Variants in TMEM200A observed in about 807,000 individuals in gnomAD.
TMEM200A encodes the protein two transmembrane C.
A neutral mutation model predicts 24.3 loss-of-function variants in TMEM200A; 12 were observed. The ratio of observed to expected loss-of-function variants is 0.49; its 90% confidence interval spans 0.32 to 0.80. The LOEUF (loss-of-function observed/expected upper bound fraction) is 0.80. Among genes scored for constraint, TMEM200A ranks in the 30% least tolerant of loss-of-function variants. TMEM200A has a pLI of 0.04. For synonymous variants in TMEM200A, 224 were observed against 224.4 expected (o/e 1.00, Z 0.02); for missense variants, 545 against 614.4 (o/e 0.89, Z 1.19).
rs1014819201 is a variant in TMEM200A at position 130,402,973 on chromosome 6, G to A, written c.-17+17737G>A. 2.0e-5 allele frequency among the ~76,000 whole-genome samples: 3 copies of A among 151,906 alleles called. No homozygotes were observed. In the East Asian group the frequency reaches 5.8e-4, roughly 29 times the overall value. On this transcript the variant is annotated intron_variant, in intron 2 of 2. Transcript: ENST00000296978. ...TTATGCCCCCATATCACTTTTAACT[G>A]CAATTTCTGCATCTTGCCTCCAGTT...
At chr6:130,384,730 G>C (rs1375448654) in intron 1 of TMEM200A, among the ~76,000 whole-genome samples, 2 of 152,166 alleles carry the variant, frequency 1.3e-5, no homozygotes, top group African/African-American at 2.4e-5. Flanking sequence ...TGTATCATTA[G>C]ATATTTTGTA....
rs377211608 is a variant in TMEM200A at position 130,389,577 on chromosome 6, C to A, written c.-17+4341C>A. 2.6e-3 allele frequency among the ~76,000 whole-genome samples: 401 copies of A among 151,960 alleles called. 2 individuals are homozygous for A. Among genetic ancestry groups the A allele is most frequent in the Middle Eastern group, 0.01 (3 of 294 alleles). On this transcript the variant is annotated intron_variant, in intron 2 of 2. Coordinates refer to ENST00000296978, the MANE Select transcript of TMEM200A (RefSeq NM_001258277.2). ...TTGAGAAATTCTAACAATAATATAGCTTGTTAGAATTAATGAGAAATCATT... is the reference window on the plus strand; with the variant it reads ...TTGAGAAATTCTAACAATAATATAGATTGTTAGAATTAATGAGAAATCATT...
At chr6:130,369,949 T>A (rs2115063494) in intron 1 of TMEM200A, among the ~76,000 whole-genome samples, 1 of 152,312 alleles carries the variant, frequency 6.6e-6, no homozygotes, top group South Asian at 2.1e-4. Context: ...AGAAGGGAGT[T>A]ACTCAGGATT....
At chr6:130,411,807 C>A (rs944010523) in intron 2 of TMEM200A, among the ~76,000 whole-genome samples, 2 of 152,174 alleles carry the variant, frequency 1.3e-5, no homozygotes, top group African/African-American at 4.8e-5. Context: ...ATGATGTTCA[C>A]TTTGGTCACT....
At chr6:130,429,874 G>A (rs1028056005) in intron 2 of TMEM200A, among the ~76,000 whole-genome samples, 2 of 151,802 alleles carry the variant, frequency 1.3e-5, no homozygotes, top group African/African-American at 2.4e-5. Context: ...TCCTCAATAC[G>A]TAAAAAAAAC....
intron 2 of TMEM200A, among the ~76,000 whole-genome samples, chr6:130,395,679 A>G (rs909243211): frequency 6.6e-6 from 1 of 152,266 alleles, no homozygotes; most frequent in African/African-American, 2.4e-5. Context: ...TTTAGATCAC[A>G]GGTCAGATGG....
chr6:130,418,244 C>G (rs1401381442), intron 2 of TMEM200A, among the ~76,000 whole-genome samples: 5 of 152,134 alleles, frequency 3.3e-5, no homozygotes, highest in African/African-American at 1.2e-4. Flanking sequence ...CAAAACACAC[C>G]AAAACAACTC....
chr6:130,402,329 A>G (rs1306703728), intron 2 of TMEM200A, among the ~76,000 whole-genome samples: 1 of 152,076 alleles, frequency 6.6e-6, no homozygotes, highest in Non-Finnish European at 1.5e-5. Flanking sequence ...AACGCTGTTC[A>G]TGGAAAATGG....
At position 130,366,961 on chromosome 6, in the gene TMEM200A, A is replaced by G. The variant is rs1449273797; in HGVS notation, c.-81+437A>G. On this transcript the variant is annotated intron_variant, in intron 1 of 2. Coordinates refer to ENST00000296978, the MANE Select transcript of TMEM200A (RefSeq NM_001258277.2). This position sits in a 1 kb window ranked among gnomAD's most constrained non-coding sequence, Gnocchi z 4.4. ...GGCAAAGCAATTATTTGCAAAATTC[A>G]GCACTACTCTTCTCCCTGTAGTCTT... Among the ~76,000 whole-genome samples the G allele has an allele frequency of 6.6e-6, 1 of 152,260 alleles. No individual in the cohort carries two copies. Among genetic ancestry groups the G allele is most frequent in the Non-Finnish European group, 1.5e-5 (1 of 68,042 alleles).
At chr6:130,430,338 T>C (rs928980058) in intron 2 of TMEM200A, among the ~76,000 whole-genome samples, 8 of 152,026 alleles carry the variant, frequency 5.3e-5, no homozygotes, top group Non-Finnish European at 1.0e-4. Context: ...ACCACCACCT[T>C]GGGGGCTAGG....
At position 130,419,817 on chromosome 6, in the gene TMEM200A, C is replaced by G. The variant is rs138286468; in HGVS notation, c.-16-20590C>G. Among the ~76,000 whole-genome samples, 890 of 152,314 alleles carry G rather than the reference C, an allele frequency of 5.8e-3. 10 individuals are homozygous for G. Among genetic ancestry groups the G allele is most frequent in the African/African-American group, 0.019 (806 of 41,574 alleles). On this transcript the variant is annotated intron_variant, in intron 2 of 2. Coordinates refer to ENST00000296978, the MANE Select transcript of TMEM200A (RefSeq NM_001258277.2). ...TGCTCCTATAACAAAATACCACAGACTAATTTATGAACAACAGAAATTTAT... is the reference window on the plus strand; with the variant it reads ...TGCTCCTATAACAAAATACCACAGAGTAATTTATGAACAACAGAAATTTAT...
chr6:130,375,187 T>G (rs537670568), intron 1 of TMEM200A, among the ~76,000 whole-genome samples: 40 of 152,242 alleles, frequency 2.6e-4, no homozygotes, highest in Non-Finnish European at 5.0e-4. Flanking sequence ...TTTCGTTCAT[T>G]TGTTCAACAA....
At chr6:130,383,716 G>A (rs1778652847) in intron 1 of TMEM200A, among the ~76,000 whole-genome samples, 1 of 152,134 alleles carries the variant, frequency 6.6e-6, no homozygotes, top group Non-Finnish European at 1.5e-5. Flanking sequence ...GAGTATAAAA[G>A]ATTATTTTTT....
intron 2 of TMEM200A, among the ~76,000 whole-genome samples, chr6:130,427,055 T>G (rs926577401): frequency 3.0e-4 from 45 of 152,172 alleles, no homozygotes; most frequent in African/African-American, 1.1e-3. Context: ...CATTTTTGCC[T>G]CGAAGGCTAC....
intron 1 of TMEM200A, among the ~76,000 whole-genome samples, chr6:130,375,272 G>A (rs538309740): frequency 6.6e-6 from 1 of 152,296 alleles, no homozygotes; most frequent in East Asian, 1.9e-4. Flanking sequence ...ATATGAGACA[G>A]ATCTTCTTAC....
Position 130,441,943 on chromosome 6 carries a change from G to C in TMEM200A, c.*45G>C. The C allele has an allele frequency of 6.7e-7, 1 of 1,493,808 alleles. No individual in the cohort carries two copies. Among genetic ancestry groups the C allele is most frequent in the Non-Finnish European group, 9.0e-7 (1 of 1,112,324 alleles). The allele number at this position is 1,493,808 out of a possible 1,614,324, so 92.5% of individuals were successfully genotyped here. A position where few individuals can be genotyped will look rare whatever the true frequency, so the allele number is the denominator to read the frequency against. On this transcript the variant is annotated 3_prime_UTR_variant, in exon 3 of 3. Transcript: ENST00000296978. ...TTTACAAGGGTATATATTTTAAAACGATTTTCACTGGTGTTTCCTTCTTAA... is the reference window on the plus strand; with the variant it reads ...TTTACAAGGGTATATATTTTAAAACCATTTTCACTGGTGTTTCCTTCTTAA...
intron 2 of TMEM200A, among the ~76,000 whole-genome samples, chr6:130,389,743 A>G (rs547581386): frequency 3.1e-4 from 47 of 152,330 alleles, no homozygotes; most frequent in African/African-American, 1.1e-3. Context: ...GGGTTCAGAG[A>G]GATCCACAGA....
intron 1 of TMEM200A, among the ~76,000 whole-genome samples, chr6:130,371,519 A>C (rs1778321170): frequency 1.3e-5 from 2 of 152,128 alleles, no homozygotes; most frequent in South Asian, 4.1e-4. Flanking sequence ...GGACCAGCTA[A>C]AGGTTGGCCC....
At chr6:130,400,865 G>T (rs1023824395) in intron 2 of TMEM200A, among the ~76,000 whole-genome samples, 1 of 151,912 alleles carries the variant, frequency 6.6e-6, no homozygotes, top group Admixed American at 6.6e-5. Context: ...CCCCTGCTTT[G>T]TGTTCCTTTT....
Sources: allele counts gnomAD v4.1 joint callset (sites outside exome capture counted in the v4.1 genomes callset), GRCh38; gene constraint gnomAD v4.1.1; non-coding constraint Gnocchi (gnomAD v3.1); transcripts MANE v1.5; gene names NCBI Gene and HGNC (gene_info 2026-07-23, HGNC 2026-07-21).